The following IMPG1 variants were observed in gnomAD, a reference collection of about 807,000 sequenced individuals.
IMPG1 encodes interphotoreceptor matrix proteoglycan of 150 kDa.
IMPG1 carries 85 observed loss-of-function variants against 92.0 expected under a neutral mutation model. The ratio of observed to expected loss-of-function variants is 0.92; its 90% CI spans 0.78 to 1.11. IMPG1 has a LOEUF of 1.11. Among genes scored for constraint, IMPG1 ranks in the 50% least tolerant of loss-of-function variants. The pLI, the probability that IMPG1 is intolerant of heterozygous loss-of-function variation, is 0.00. For synonymous variants in IMPG1, 367 were observed against 334.1 expected (o/e 1.10, Z -1.08); for missense variants, 1,022 against 956.0 (o/e 1.07, Z -0.91).
At chr6:76,006,887 G>A (rs927385747) in intron 9 of IMPG1, among the ~76,000 whole-genome samples, 3 of 151,992 alleles carry the variant, frequency 2.0e-5, no homozygotes, top group Non-Finnish European at 4.4e-5. Flanking sequence ...ACAGAGTGAT[G>A]TAGAAGTGTT....
chr6:76,009,198 C>T (rs932735567), intron 8 of IMPG1, among the ~76,000 whole-genome samples: 2 of 152,170 alleles, frequency 1.3e-5, no homozygotes, highest in African/African-American at 2.4e-5. Flanking sequence ...GGAGTATACC[C>T]TCCAACAAGA....
At chr6:75,930,865 G>A in intron 15 of IMPG1, 88 bp downstream of exon 15, 2 of 1,197,798 alleles carry the variant, frequency 1.7e-6, no homozygotes, top group Non-Finnish European at 1.2e-6. Flanking sequence ...TGGGTTGAAA[G>A]GACCATATGA....
intron 4 of IMPG1, 87 bp downstream of exon 4, chr6:76,034,228 A>T: frequency 8.0e-7 from 1 of 1,242,670 alleles, no homozygotes; most frequent in Non-Finnish European, 1.2e-6. Context: ...ATAAAATCCT[A>T]CAGGTAGAAT....
rs1356738585 is a variant in IMPG1 at position 76,057,261 on chromosome 6, A to G, written c.68-15135T>C. 3.3e-5 allele frequency among the ~76,000 whole-genome samples: 5 copies of G among 152,142 alleles called. No homozygotes were observed. In the East Asian group the frequency reaches 9.6e-4, roughly 29 times the overall value. On this transcript the variant is annotated intron_variant, in intron 1 of 16. Coordinates refer to ENST00000369950, the MANE Select transcript of IMPG1 (RefSeq NM_001563.4). Reference sequence around the variant, plus strand: ...CATGCCACATGTTTACCTATACAACAAACCTGAATATCCTGCACATGTGCC... The same window carrying G: ...CATGCCACATGTTTACCTATACAACGAACCTGAATATCCTGCACATGTGCC...
At chr6:76,053,144 A>C (rs1784070322) in intron 1 of IMPG1, among the ~76,000 whole-genome samples, 1 of 152,188 alleles carries the variant, frequency 6.6e-6, no homozygotes, top group Non-Finnish European at 1.5e-5. Flanking sequence ...TACTTTTTGG[A>C]AACCATCTCC....
intron 9 of IMPG1, among the ~76,000 whole-genome samples, chr6:76,006,453 T>C (rs886548226): frequency 4.2e-5 from 4 of 94,326 alleles, no homozygotes; most frequent in African/African-American, 1.2e-4. Flanking sequence ...TATATGGGTA[T>C]GTGTGTATAT....
chr6:76,058,602 C>G (rs1004004267), intron 1 of IMPG1, among the ~76,000 whole-genome samples: 1 of 152,132 alleles, frequency 6.6e-6, no homozygotes, highest in Admixed American at 6.6e-5. Flanking sequence ...TCTGTGCAAG[C>G]CTTACAGCTT....
chr6:76,030,872 A>G (rs921833875), intron 4 of IMPG1, among the ~76,000 whole-genome samples: 4 of 152,126 alleles, frequency 2.6e-5, no homozygotes, highest in Admixed American at 2.0e-4. Context: ...GGGTCCCTGG[A>G]AAAACTCCAT....
At chr6:76,011,031 G>T in intron 8 of IMPG1, 135 bp downstream of exon 8, 1 of 584,564 alleles carries the variant, frequency 1.7e-6, no homozygotes, top group Non-Finnish European at 3.1e-6. Context: ...TATCTGAAAC[G>T]TACTCCGTTT....
At chr6:76,015,995 G>A (rs896965969) in intron 7 of IMPG1, among the ~76,000 whole-genome samples, 3 of 152,060 alleles carry the variant, frequency 2.0e-5, no homozygotes, top group Non-Finnish European at 4.4e-5. Flanking sequence ...AAGTGGCACC[G>A]TTGGACATAT....
intron 1 of IMPG1, among the ~76,000 whole-genome samples, chr6:76,055,098 C>A (rs1239431344): frequency 6.6e-6 from 1 of 151,886 alleles, no homozygotes; most frequent in Non-Finnish European, 1.5e-5. Context: ...GGCATCATAT[C>A]TACAAGCTAT....
chr6:75,940,137 C>T (rs1023627251), intron 14 of IMPG1, among the ~76,000 whole-genome samples: 1 of 152,176 alleles, frequency 6.6e-6, no homozygotes, highest in Non-Finnish European at 1.5e-5. Flanking sequence ...TCCCCATTAA[C>T]TGTTGGGGTT....
At chr6:75,995,399 T>C (rs1297661906) in intron 12 of IMPG1, among the ~76,000 whole-genome samples, 2 of 152,146 alleles carry the variant, frequency 1.3e-5, no homozygotes, top group Non-Finnish European at 2.9e-5. Context: ...GCTTCACCAT[T>C]TTCTCTCCAA....
intron 11 of IMPG1, among the ~76,000 whole-genome samples, chr6:76,003,309 G>A (rs1254763359): frequency 6.6e-6 from 1 of 152,142 alleles, no homozygotes; most frequent in African/African-American, 2.4e-5. Context: ...AGGGAATAAA[G>A]CTTAGTCAGC....
At chr6:76,041,532 C>A (rs933848136) in intron 2 of IMPG1, among the ~76,000 whole-genome samples, 1 of 152,072 alleles carries the variant, frequency 6.6e-6, no homozygotes, top group Non-Finnish European at 1.5e-5. Context: ...GCTTAGATTC[C>A]TGACATTGCA....
chr6:75,943,837 G>A (rs762075765), intron 14 of IMPG1, among the ~76,000 whole-genome samples: 2 of 152,168 alleles, frequency 1.3e-5, no homozygotes, highest in Non-Finnish European at 2.9e-5. Flanking sequence ...CTTCATTATG[G>A]GACCATCCCT....
At chr6:75,938,317 C>G (rs1781781695) in intron 14 of IMPG1, among the ~76,000 whole-genome samples, 1 of 152,210 alleles carries the variant, frequency 6.6e-6, no homozygotes, top group Non-Finnish European at 1.5e-5. Context: ...TTCAAATTCT[C>G]TCTTCTCCTT....
intron 13 of IMPG1, among the ~76,000 whole-genome samples, chr6:75,948,822 A>G (rs1296724356): frequency 2.0e-5 from 3 of 152,072 alleles, no homozygotes; most frequent in African/African-American, 4.8e-5. Flanking sequence ...CACTAATATG[A>G]TGTGGGCAAC....
intron 14 of IMPG1, among the ~76,000 whole-genome samples, chr6:75,936,876 G>A (rs1010455344): frequency 1.3e-5 from 2 of 152,206 alleles, no homozygotes; most frequent in Admixed American, 1.3e-4. Flanking sequence ...AGGGCTTTGT[G>A]TTAACAGGTT....
Sources: gnomAD v4.1 joint callset for allele counts (sites outside exome capture counted in the v4.1 genomes callset) on GRCh38, gnomAD v4.1.1 for gene constraint, MANE v1.5 for transcripts, NCBI Gene and HGNC (gene_info 2026-07-23, HGNC 2026-07-21) for gene names.